The following TJP2 variants were observed in gnomAD, a reference collection of about 807,000 sequenced individuals.
The protein encoded by TJP2 is tight junction protein 2, also known as Friedreich ataxia region gene X104 (tight junction protein ZO-2).
A neutral mutation model predicts 133.1 loss-of-function variants in TJP2; 91 were observed. That is an observed-to-expected ratio of 0.68 (90% CI 0.58 to 0.81). TJP2 has a LOEUF of 0.81. TJP2 is among the 40% of genes least tolerant of loss of function. TJP2 has a pLI of 0.00. For missense variants in TJP2, 1,541 were observed against 1,565.6 expected (o/e 0.98, Z 0.26); for synonymous variants, 592 against 583.4 (o/e 1.01, Z -0.21).
chr9:69,240,989 A>G (rs1339554523), intron 17 of TJP2, among the ~76,000 whole-genome samples: 1 of 152,198 alleles, frequency 6.6e-6, no homozygotes, highest in East Asian at 1.9e-4. Flanking sequence ...ATTTGCCTAA[A>G]TAGTCTGCAG....
intron 2 of TJP2, among the ~76,000 whole-genome samples, chr9:69,156,698 A>C (rs1233587389): frequency 6.6e-6 from 1 of 151,498 alleles, no homozygotes. Context: ...CGCCCGGCTA[A>C]TTTTTTGTGT....
At chr9:69,177,263 C>A (rs1259129406) in intron 1 of TJP2, among the ~76,000 whole-genome samples, 1 of 152,156 alleles carries the variant, frequency 6.6e-6, no homozygotes, top group East Asian at 1.9e-4. Flanking sequence ...GAGATTGCCC[C>A]AGATGGGAGT....
intron 2 of TJP2, among the ~76,000 whole-genome samples, chr9:69,156,523 ATTTTTTTTTT>A (rs71354318): frequency 7.4e-5 from 6 of 81,146 alleles, no homozygotes; most frequent in Non-Finnish European, 1.4e-4. Flanking sequence ...TACATGTAAG[ATTTTTTTTTT>A]TTTTTTTTTT....
In TJP2 at chr9:69,221,248, G is replaced by A. The variant is rs139402211; in HGVS notation, c.704G>A (p.Arg235Gln). The change falls in exon 5 of 23, where the codon CGG becomes CAG. Residue 235 changes from arginine to glutamine, a missense_variant. Transcript: ENST00000377245. ...LDHDFGPSRD[R>Q]DRDRSRGRSI... is the part of the protein sequence containing the mutation. ...CACGACTTTGGGCCATCCCGGGACC[G>A]GGACCGTGACCGCAGCCGCGGCCGG... 6.2e-6 allele frequency: 10 copies of A among 1,607,836 alleles called. No individual in the cohort carries two copies. Among genetic ancestry groups the A allele is most frequent in the African/African-American group, 4.0e-5 (3 of 74,772 alleles).
chr9:69,196,640 A>G (rs143663466), intron 1 of TJP2, among the ~76,000 whole-genome samples: 1,815 of 152,256 alleles, frequency 0.012, 32 homozygotes, highest in African/African-American at 0.036. Flanking sequence ...TAATTCATAT[A>G]CCATACAATA....
intron 1 of TJP2, among the ~76,000 whole-genome samples, chr9:69,189,938 T>C (rs1826100395): frequency 9.0e-6 from 1 of 111,594 alleles, no homozygotes. Flanking sequence ...AAACCCCGTC[T>C]GTACTAAAAA....
intron 1 of TJP2, among the ~76,000 whole-genome samples, chr9:69,179,921 G>A (rs1013591342): frequency 6.6e-6 from 1 of 152,112 alleles, no homozygotes; most frequent in Non-Finnish European, 1.5e-5. Context: ...ACATTCTTGA[G>A]TACACATGTT....
At chr9:69,244,220 G>A (rs1044143864) in intron 17 of TJP2, among the ~76,000 whole-genome samples, 114 of 149,946 alleles carry the variant, frequency 7.6e-4, no homozygotes, top group Middle Eastern at 3.6e-3. Flanking sequence ...ATGCAATTCA[G>A]TGGGCTTTAG....
At chr9:69,156,079 G>C (rs777348976) in intron 2 of TJP2, among the ~76,000 whole-genome samples, 1 of 152,178 alleles carries the variant, frequency 6.6e-6, no homozygotes, top group African/African-American at 2.4e-5. Flanking sequence ...AACTTAGAGA[G>C]TTTGGCCAGG....
intron 5 of TJP2, 22 bp from the exon 6 acceptor site, chr9:69,225,282 T>C: frequency 1.3e-6 from 2 of 1,482,126 alleles, no homozygotes; most frequent in South Asian, 1.1e-5. Context: ...CATACGTGTA[T>C]GTTTATGTGT....
chr9:69,236,168 A>C lies in TJP2; in HGVS notation c.1921A>C (p.Lys641Gln), dbSNP rs773592419. 6.2e-7 allele frequency: 1 copy of C among 1,614,186 alleles called. No individual in the cohort carries two copies. The highest frequency in any genetic ancestry group is 8.5e-7 in the Non-Finnish European group (1 of 1,180,034). ...AGTGGTAGACACACTGTATGACGGCAAGCTGGGCAACTGGCTGGCTGTGAG... is the reference window on the plus strand; with the variant it reads ...AGTGGTAGACACACTGTATGACGGCCAGCTGGGCAACTGGCTGGCTGTGAG... ...FRVVDTLYDG[K>Q]LGNWLAVRIG... is the part of the protein sequence containing the mutation. The change falls in exon 13 of 23, where the codon AAG (lysine) becomes CAG (glutamine). Residue 641 changes from lysine (K) to glutamine (Q), a missense_variant. Coordinates refer to ENST00000377245, the MANE Select transcript of TJP2 (RefSeq NM_004817.4).
At chr9:69,197,009 C>G (rs1179231686) in intron 1 of TJP2, among the ~76,000 whole-genome samples, 1 of 150,728 alleles carries the variant, frequency 6.6e-6, no homozygotes, top group Non-Finnish European at 1.5e-5. Flanking sequence ...CACTCTGTCG[C>G]CCAGGTTGGA....
At chr9:69,220,693 C>T (rs1055730746) in intron 4 of TJP2, among the ~76,000 whole-genome samples, 194 bp from the exon 5 acceptor site, 1 of 152,232 alleles carries the variant, frequency 6.6e-6, no homozygotes, top group Non-Finnish European at 1.5e-5. Flanking sequence ...GCCCTGTACT[C>T]AGAGCTTCAC....
intron 1 of TJP2, among the ~76,000 whole-genome samples, chr9:69,179,578 G>A (rs1403615487): frequency 5.4e-5 from 8 of 147,694 alleles, no homozygotes; most frequent in African/African-American, 7.6e-5. Context: ...GTGCGATCTC[G>A]GCTCACTGCA....
At chr9:69,190,035 G>A (rs1826104793) in intron 1 of TJP2, among the ~76,000 whole-genome samples, 1 of 47,472 alleles carries the variant, frequency 2.1e-5, no homozygotes, top group African/African-American at 7.9e-5. Context: ...GCATGAACCT[G>A]GGAGGTGGAG....
rs1831513731 is a variant in TJP2 at position 69,253,825 on chromosome 9, T to C, written c.3408-384T>C. On this transcript the variant is annotated intron_variant, in intron 22 of 22. Coordinates refer to ENST00000377245, the MANE Select transcript of TJP2 (RefSeq NM_004817.4). ...GGAAACAAATTTCTTCTTTACCAGC[T>C]GAGTGGTAACACAGTCAACCAGGTT... is the stretch of plus-strand genomic sequence containing the variant. 2.9e-5 allele frequency: 9 copies of C among 308,464 alleles called. No individual in the cohort carries two copies. The South Asian group carries it at 2.9e-4, about 10-fold the overall frequency. The allele number at this position is 308,464 out of a possible 1,614,324, so 19.1% of individuals were successfully genotyped here. A position where few individuals can be genotyped will look rare whatever the true frequency, so the allele number is the denominator to read the frequency against.
At chr9:69,235,361 C>A (rs201485119) in intron 12 of TJP2, among the ~76,000 whole-genome samples, 1 of 151,504 alleles carries the variant, frequency 6.6e-6, no homozygotes, top group Admixed American at 6.6e-5. Context: ...CTGGCTTTGT[C>A]GCTGAGGCTG....
chr9:69,233,236 G>A (rs1023204470), intron 11 of TJP2, among the ~76,000 whole-genome samples: 4 of 152,148 alleles, frequency 2.6e-5, no homozygotes, highest in East Asian at 1.9e-4. Context: ...GTCTAATGCC[G>A]ACTTTCACTT....
At chr9:69,201,578 G>A (rs1295594462) in intron 1 of TJP2, among the ~76,000 whole-genome samples, 1 of 152,002 alleles carries the variant, frequency 6.6e-6, no homozygotes. Context: ...CTCTTCATTT[G>A]TTCCTCAGAG....
Sources: gnomAD v4.1 joint callset for allele counts (sites outside exome capture counted in the v4.1 genomes callset) on GRCh38, gnomAD v4.1.1 for gene constraint, MANE v1.5 for transcripts, NCBI Gene and HGNC (gene_info 2026-07-23, HGNC 2026-07-21) for gene names.